The following EXOSC4 variants were observed in gnomAD, a reference collection of about 807,000 sequenced individuals.
EXOSC4 encodes exosome complex component RRP41.
A neutral mutation model predicts 20.0 loss-of-function variants in EXOSC4; 14 were observed. The observed-to-expected ratio is 0.70, with a 90% CI of 0.46 to 1.09. The LOEUF is 1.09. EXOSC4 is among the 50% of genes least tolerant of loss of function. The pLI is 0.00. For missense variants in EXOSC4, 337 were observed against 334.0 expected, an observed-to-expected ratio of 1.01 and a Z score of -0.07; for synonymous variants, 148 against 146.4, an observed-to-expected ratio of 1.01 and a Z score of -0.08.
the EXOSC4 span, among the ~76,000 whole-genome samples, chr8:144,070,841 A>T: frequency 3.6e-3 from 547 of 151,054 alleles, 2 homozygotes; most frequent in African/African-American, 0.012. Flanking sequence ...AAAAAAAAAA[A>T]TTTTTTTTTC....
upstream of EXOSC4, among the ~76,000 whole-genome samples, chr8:144,074,785 G>A (rs1228577369): frequency 1.3e-5 from 2 of 152,006 alleles, no homozygotes; most frequent in African/African-American, 2.4e-5. Context: ...TGTTGCCCAG[G>A]CTGGTCTCGG....
chr8:144,074,984 A>C (rs929135840), upstream of EXOSC4, among the ~76,000 whole-genome samples: 12 of 152,232 alleles, frequency 7.9e-5, no homozygotes, highest in Admixed American at 3.9e-4. Flanking sequence ...TTTACCTGAA[A>C]GCAACTTAAT....
the EXOSC4 span, among the ~76,000 whole-genome samples, chr8:144,072,391 G>A: frequency 6.6e-6 from 1 of 152,144 alleles, no homozygotes; most frequent in African/African-American, 2.4e-5. Context: ...ATGGTGGCCA[G>A]GCTGGTCTTG....
At chr8:144,071,322 C>G in the EXOSC4 span, among the ~76,000 whole-genome samples, 5 of 133,134 alleles carry the variant, frequency 3.8e-5, no homozygotes, top group Admixed American at 2.3e-4. Flanking sequence ...CCCCTCTCCT[C>G]CCCTCTCCTC....
At chr8:144,066,040 A>G in the EXOSC4 span, among the ~76,000 whole-genome samples, 2 of 141,324 alleles carry the variant, frequency 1.4e-5, no homozygotes, top group Non-Finnish European at 3.1e-5. Flanking sequence ...GTTTTTTGAG[A>G]TGGAATCTTG....
upstream of EXOSC4, among the ~76,000 whole-genome samples, chr8:144,075,313 G>A (rs373317409): frequency 5.2e-3 from 790 of 151,640 alleles, 7 homozygotes; most frequent in South Asian, 0.03. Flanking sequence ...TGCAACCTCC[G>A]CCTCCTGGGT....
Position 144,078,901 on chromosome 8 carries a change from C to T in EXOSC4, c.171+2C>T, listed in dbSNP as rs782005465. The stretch of plus-strand genomic sequence containing the variant: ...GCTGTGGTCTACGGCCCGCACGAGG[C>T]GAGTGGGCGCGCGGGATGGGGAATC... On this transcript the variant is annotated splice_donor_variant, in intron 1 of 2. Coordinates refer to ENST00000316052, the MANE Select transcript of EXOSC4 (RefSeq NM_019037.3). LOFTEE classifies it low-confidence loss of function (GC_TO_GT_DONOR). This position sits in a 1 kb window ranked among gnomAD's most constrained non-coding sequence, Gnocchi z 4.7. 8 of 1,463,874 alleles carry T rather than the reference C, an allele frequency of 5.5e-6. No individual in the cohort carries two copies. The highest frequency in any genetic ancestry group is 6.3e-6 in the Non-Finnish European group (7 of 1,103,146). 90.7% of individuals were successfully genotyped at this position (1,463,874 alleles called of 1,614,324 possible).
At chr8:144,074,231 C>T (rs1835816644), upstream of EXOSC4, among the ~76,000 whole-genome samples, 1 of 152,212 alleles carries the variant, frequency 6.6e-6, no homozygotes, top group Non-Finnish European at 1.5e-5. Context: ...ACTGTCTCTT[C>T]CCCCTGCAAC....
rs781807786 is a variant in EXOSC4 at position 144,078,689 on chromosome 8, C to G, written c.-40C>G. The G allele has an allele frequency of 1.5e-6, 2 of 1,362,730 alleles. No individual in the cohort carries two copies. Among genetic ancestry groups the G allele is most frequent in the South Asian group, 3.5e-5 (2 of 57,604 alleles). The allele number at this position is 1,362,730 out of a possible 1,614,324, so 84.4% of individuals were successfully genotyped here. ...CGGGAGCTGTAGTTCTCCCGCGGCT[C>G]AGAGAAGTAGGCAGAGAGCGGACCT... On this transcript the variant is annotated 5_prime_UTR_variant, in exon 1 of 3. Coordinates refer to ENST00000316052, the MANE Select transcript of EXOSC4 (RefSeq NM_019037.3). The surrounding 1 kb of genome is among the most constrained non-coding windows in gnomAD (Gnocchi z 4.7).
chr8:144,078,981 AGGGGC>A lies in EXOSC4; in HGVS notation c.171+83_171+87del. On this transcript the variant is annotated intron_variant, in intron 1 of 2. Coordinates refer to ENST00000316052, the MANE Select transcript of EXOSC4 (RefSeq NM_019037.3). This position sits in a 1 kb window ranked among gnomAD's most constrained non-coding sequence, Gnocchi z 4.7. ...GGCTGAGCGCTGGCTCGGGGACTTG[AGGGGC>A]AACGGCCGGCGCGCCTCAGTCTACA... 1.1e-5 allele frequency: 15 copies of A among 1,327,756 alleles called. No homozygotes were observed. Among genetic ancestry groups the A allele is most frequent in the South Asian group, 9.4e-5 (5 of 53,090 alleles). The allele number at this position is 1,327,756 out of a possible 1,614,324, so 82.2% of individuals were successfully genotyped here. A position where few individuals can be genotyped will look rare whatever the true frequency, so the allele number is the denominator to read the frequency against.
chr8:144,070,455 T>A, the EXOSC4 span, among the ~76,000 whole-genome samples: 2 of 139,308 alleles, frequency 1.4e-5, no homozygotes, highest in Non-Finnish European at 3.1e-5. Context: ...ACCCAGGAGG[T>A]GGAGGTTGCA....
upstream of EXOSC4, among the ~76,000 whole-genome samples, chr8:144,076,049 CTGTT>C (rs1242374992): frequency 1.3e-5 from 2 of 152,176 alleles, no homozygotes; most frequent in African/African-American, 2.4e-5. Context: ...TGTGCCTAGA[CTGTT>C]TGTACAAATA....
chr8:144,065,577 A>T, the EXOSC4 span, among the ~76,000 whole-genome samples: 3 of 151,914 alleles, frequency 2.0e-5, no homozygotes, highest in African/African-American at 7.2e-5. Flanking sequence ...AAAAAAAAAA[A>T]TACAAAAATT....
At chr8:144,079,007 C>A in intron 1 of EXOSC4, 108 bp downstream of exon 1, 2 of 1,242,086 alleles carry the variant, frequency 1.6e-6, no homozygotes, top group Non-Finnish European at 2.1e-6. Flanking sequence ...GCGCCTCAGT[C>A]TACACAGCCG....
chr8:144,079,821 T>C (rs1554763220), intron 1 of EXOSC4, 122 bp from the exon 2 acceptor site: 3 of 945,166 alleles, frequency 3.2e-6, no homozygotes, highest in Non-Finnish European at 5.2e-6. Context: ...GGCTTTGTTT[T>C]GGAGGTAACG....
rs1554763384 is a variant in EXOSC4 at position 144,080,627 on chromosome 8, A to G, written c.*26A>G. On this transcript the variant is annotated 3_prime_UTR_variant, in exon 3 of 3. Coordinates refer to ENST00000316052, the MANE Select transcript of EXOSC4 (RefSeq NM_019037.3). The surrounding 1 kb of genome is among the most constrained non-coding windows in gnomAD (Gnocchi z 4.9). The stretch of plus-strand genomic sequence containing the variant: ...CCACCCAGCCACCCATGTCCAGAAT[A>G]AAACCCTCCTCTGCCCACACACCCC... 4 of 1,588,120 alleles carry G rather than the reference A, an allele frequency of 2.5e-6. No individual in the cohort carries two copies. Among genetic ancestry groups the G allele is most frequent in the African/African-American group, 1.3e-5 (1 of 74,742 alleles).
chr8:144,079,096 C>T, intron 1 of EXOSC4, 197 bp downstream of exon 1: 1 of 551,626 alleles, frequency 1.8e-6, no homozygotes, highest in East Asian at 3.6e-5. Flanking sequence ...TCTCATCGGC[C>T]TCTGTCCCTG....
At chr8:144,079,157 C>G (rs963031721) in intron 1 of EXOSC4, 1 of 378,294 alleles carries the variant, frequency 2.6e-6, no homozygotes, top group African/African-American at 2.1e-5. Context: ...CTCCCCCACT[C>G]GCTCCCTCTC....
At chr8:144,074,468 G>A (rs1438579983), upstream of EXOSC4, among the ~76,000 whole-genome samples, 1 of 152,186 alleles carries the variant, frequency 6.6e-6, no homozygotes, top group Non-Finnish European at 1.5e-5. Context: ...ACAACAAGCT[G>A]ATGAAATTGG....
Sources: allele counts gnomAD v4.1 joint callset (sites outside exome capture counted in the v4.1 genomes callset), GRCh38; gene constraint gnomAD v4.1.1; non-coding constraint Gnocchi (gnomAD v3.1); transcripts MANE v1.5; gene names NCBI Gene and HGNC (gene_info 2026-07-23, HGNC 2026-07-21).